FIRRM: variants seen among roughly 807,000 people sequenced by gnomAD.
The protein encoded by FIRRM is FIGNL1 interacting regulator of recombination and mitosis, also known as FIGNL1-interacting regulator of recombination and mitosis.
chr1:169,793,253 G>T, the FIRRM span: 1 of 1,614,052 alleles, frequency 6.2e-7, no homozygotes, highest in Non-Finnish European at 8.5e-7. Context: ...AAAGCTTTTT[G>T]AAACTATGTT....
chr1:169,801,597 CAAAAAAAA>C, the FIRRM span, among the ~76,000 whole-genome samples: 13 of 124,432 alleles, frequency 1.0e-4, no homozygotes, highest in African/African-American at 3.0e-4. Flanking sequence ...ACCCTTAATT[CAAAAAAAA>C]AAAAAAAAAA....
the FIRRM span, among the ~76,000 whole-genome samples, chr1:169,840,105 A>G: frequency 1.3e-5 from 2 of 152,080 alleles, no homozygotes; most frequent in Non-Finnish European, 2.9e-5. Flanking sequence ...TACCTGTATC[A>G]TGATGTTTTG....
the FIRRM span, among the ~76,000 whole-genome samples, chr1:169,841,074 T>C: frequency 1.3e-5 from 2 of 152,214 alleles, no homozygotes; most frequent in Non-Finnish European, 2.9e-5. Flanking sequence ...CAGTACGACG[T>C]TGGCTGTGAG....
At chr1:169,793,806 A>C in the FIRRM span, 1 of 1,010,838 alleles carries the variant, frequency 9.9e-7, no homozygotes. Flanking sequence ...GTTGGGCCCA[A>C]TTTCTCTTTA....
chr1:169,838,194 C>T, the FIRRM span, among the ~76,000 whole-genome samples: 1 of 152,102 alleles, frequency 6.6e-6, no homozygotes, highest in Non-Finnish European at 1.5e-5. Context: ...CCTCCTTGGC[C>T]TCCCAAAGTG....
At chr1:169,842,431 T>G in the FIRRM span, 1 of 1,613,988 alleles carries the variant, frequency 6.2e-7, no homozygotes, top group Admixed American at 1.7e-5. Flanking sequence ...CAGTACTGTC[T>G]GCTTTGCTTG....
chr1:169,828,536 T>C, the FIRRM span, among the ~76,000 whole-genome samples: 1 of 152,078 alleles, frequency 6.6e-6, no homozygotes, highest in African/African-American at 2.4e-5. Flanking sequence ...ACTTACAATT[T>C]GAACAGTTTT....
the FIRRM span, among the ~76,000 whole-genome samples, chr1:169,846,033 T>G: frequency 6.6e-6 from 1 of 152,220 alleles, no homozygotes; most frequent in African/African-American, 2.4e-5. Context: ...GTCACAATTA[T>G]TCCTTGATTG....
the FIRRM span, among the ~76,000 whole-genome samples, chr1:169,831,604 T>C: frequency 1.0e-2 from 1,521 of 152,346 alleles, 27 homozygotes; most frequent in African/African-American, 0.035. Flanking sequence ...GTTTTATGTC[T>C]GAAGTTTCCT....
At chr1:169,789,610 C>G in the FIRRM span, among the ~76,000 whole-genome samples, 1 of 152,206 alleles carries the variant, frequency 6.6e-6, no homozygotes, top group Admixed American at 6.5e-5. Context: ...ACAAGACGCA[C>G]TCTTCTTCAT....
chr1:169,836,986 T>C, the FIRRM span: 1 of 1,613,774 alleles, frequency 6.2e-7, no homozygotes, highest in Non-Finnish European at 8.5e-7. Context: ...TGTGGCAACA[T>C]ATTTCCTTCC....
the FIRRM span, among the ~76,000 whole-genome samples, chr1:169,804,912 A>T: frequency 6.6e-6 from 1 of 152,118 alleles, no homozygotes. Flanking sequence ...TGAACTCCTG[A>T]CCTCAGGTAA....
At chr1:169,853,450 G>A in the FIRRM span, 155 of 447,296 alleles carry the variant, frequency 3.5e-4, no homozygotes, top group Non-Finnish European at 5.4e-4. Context: ...TCAGCTACTT[G>A]CTCTTCATAG....
chr1:169,851,626 A>G, the FIRRM span: 4 of 674,464 alleles, frequency 5.9e-6, no homozygotes, highest in Non-Finnish European at 9.7e-6. Context: ...ATAACTAACT[A>G]TTTTGTAAGG....
chr1:169,795,139 C>T, the FIRRM span: 8 of 1,535,982 alleles, frequency 5.2e-6, no homozygotes, highest in Non-Finnish European at 7.0e-6. Flanking sequence ...TAGCGCGGTT[C>T]CCCTGGAAGA....
At chr1:169,821,404 A>T in the FIRRM span, among the ~76,000 whole-genome samples, 15,989 of 152,172 alleles carry the variant, frequency 0.11, 1,013 homozygotes, top group Admixed American at 0.18. Flanking sequence ...TTTCAGATCA[A>T]CTGAGAAGGA....
At chr1:169,825,083 A>T in the FIRRM span, among the ~76,000 whole-genome samples, 1 of 152,204 alleles carries the variant, frequency 6.6e-6, no homozygotes, top group Non-Finnish European at 1.5e-5. Flanking sequence ...TGTTACCTTC[A>T]GTGCACACAC....
At chr1:169,822,947 T>G in the FIRRM span, among the ~76,000 whole-genome samples, 2 of 152,192 alleles carry the variant, frequency 1.3e-5, no homozygotes, top group African/African-American at 4.8e-5. Context: ...CCTTTCATTC[T>G]CATGTTAAGA....
chr1:169,813,689 G>T, the FIRRM span, among the ~76,000 whole-genome samples: 1 of 152,154 alleles, frequency 6.6e-6, no homozygotes, highest in Non-Finnish European at 1.5e-5. Flanking sequence ...AAAGGAGAAG[G>T]TTAGCGGTCT....
Sources: gnomAD v4.1 joint callset for allele counts (sites outside exome capture counted in the v4.1 genomes callset) on GRCh38, gnomAD v4.1.1 for gene constraint, MANE v1.5 for transcripts, NCBI Gene and HGNC (gene_info 2026-07-23, HGNC 2026-07-21) for gene names.